ASIC2: variants seen among roughly 807,000 people sequenced by gnomAD.
The protein encoded by ASIC2 is acid-sensing ion channel 2.
ASIC2 carries 25 observed loss-of-function variants against 57.3 expected under a neutral mutation model. The ratio of observed to expected loss-of-function variants is 0.44; its 90% CI spans 0.32 to 0.61. The LOEUF (loss-of-function observed/expected upper bound fraction) is 0.61. Among genes scored for constraint, ASIC2 ranks in the 20% least tolerant of loss-of-function variants. ASIC2 has a pLI of 0.06. For synonymous variants in ASIC2, 319 were observed against 307.5 expected, an observed-to-expected ratio of 1.04 and a Z score of -0.39; for missense variants, 641 against 738.1, an observed-to-expected ratio of 0.87 and a Z score of 1.52.
chr17:33,816,540 G>T (rs979361444), intron 1 of ASIC2, among the ~76,000 whole-genome samples: 2 of 152,140 alleles, frequency 1.3e-5, no homozygotes, highest in Non-Finnish European at 2.9e-5. Flanking sequence ...TCAAATCCAG[G>T]CCTGCTGGGC....
At chr17:33,749,393 G>C (rs1910362150) in intron 1 of ASIC2, among the ~76,000 whole-genome samples, 1 of 151,984 alleles carries the variant, frequency 6.6e-6, no homozygotes, top group Admixed American at 6.6e-5. Flanking sequence ...TGCTGTCTAA[G>C]AGTGCAGGTG....
intron 1 of ASIC2, among the ~76,000 whole-genome samples, chr17:34,105,000 G>A (rs1910992652): frequency 6.6e-6 from 1 of 152,016 alleles, no homozygotes; most frequent in Admixed American, 6.5e-5. Flanking sequence ...TTCTGGAAGA[G>A]GTTGTAAAAG....
intron 1 of ASIC2, among the ~76,000 whole-genome samples, chr17:33,172,584 G>A (rs780273141): frequency 6.6e-6 from 1 of 152,206 alleles, no homozygotes; most frequent in Non-Finnish European, 1.5e-5. Context: ...CACTAGCAGA[G>A]AGGCTAGTTA....
At chr17:33,253,019 C>T (rs1326947870) in intron 1 of ASIC2, among the ~76,000 whole-genome samples, 2 of 152,146 alleles carry the variant, frequency 1.3e-5, no homozygotes, top group African/African-American at 2.4e-5. Context: ...AAGCTCCAAT[C>T]GAAATAACAT....
rs142359242 is a variant in ASIC2, at chr17:33,452,096, A to T, written c.556-340029T>A. Among the ~76,000 whole-genome samples the T allele has an allele frequency of 2.6e-3, 403 of 152,370 alleles. 1 individual carries two copies. The highest frequency in any genetic ancestry group is 4.0e-3 in the Non-Finnish European group (269 of 68,036). On this transcript the variant is annotated intron_variant, in intron 1 of 9. Coordinates refer to the ASIC2 transcript ENST00000359872. ...ATGAAAACTTGGAATACCAAGTTAG[A>T]GCTGCATGTAAATTAAAAGCAAAAA...
At chr17:33,426,028 G>C (rs1031649369) in intron 1 of ASIC2, among the ~76,000 whole-genome samples, 2 of 152,132 alleles carry the variant, frequency 1.3e-5, no homozygotes, top group Non-Finnish European at 2.9e-5. Flanking sequence ...CTCCTCCTGT[G>C]TTCCTCAGCA....
chr17:33,338,948 T>C (rs1907627926), intron 1 of ASIC2, among the ~76,000 whole-genome samples: 1 of 152,166 alleles, frequency 6.6e-6, no homozygotes, highest in Non-Finnish European at 1.5e-5. Context: ...TATCCTTTAA[T>C]GGATACAGAG....
intron 1 of ASIC2, among the ~76,000 whole-genome samples, chr17:33,304,269 A>G (rs916032453): frequency 6.6e-6 from 1 of 152,238 alleles, no homozygotes; most frequent in African/African-American, 2.4e-5. Flanking sequence ...TCAGTGAAAC[A>G]TTTCTTTGAA....
chr17:33,248,942 T>C (rs1005133533), intron 1 of ASIC2, among the ~76,000 whole-genome samples: 2 of 152,214 alleles, frequency 1.3e-5, no homozygotes, highest in Non-Finnish European at 1.5e-5. Flanking sequence ...TTGGGGTCCA[T>C]GACCCAGCCT....
intron 1 of ASIC2, among the ~76,000 whole-genome samples, chr17:33,386,285 T>G (rs1430969461): frequency 6.6e-6 from 1 of 152,328 alleles, no homozygotes; most frequent in East Asian, 1.9e-4. Context: ...ACTTTGCTTC[T>G]CCATGTGACT....
At chr17:33,871,584 T>G (rs1279150064) in intron 1 of ASIC2, among the ~76,000 whole-genome samples, 1 of 152,076 alleles carries the variant, frequency 6.6e-6, no homozygotes, top group African/African-American at 2.4e-5. Context: ...TTGCTCAGGA[T>G]CTGGAGAGAG....
chr17:33,614,163 G>A (rs1000702869), intron 1 of ASIC2, among the ~76,000 whole-genome samples: 8 of 152,096 alleles, frequency 5.3e-5, no homozygotes, highest in Non-Finnish European at 7.4e-5. Flanking sequence ...TCTTTTCAGC[G>A]TGAGTTCTTT....
At position 33,178,170 on chromosome 17, in the gene ASIC2, G is replaced by C. The variant is rs1301814248; in HGVS notation, c.709-66103C>G. ...TTTTAGGTGTTCTCACCATAAAAAA[G>C]TTTGCAAGGTAATGCATATGTTCAT... On this transcript the variant is annotated intron_variant, in intron 1 of 9. Transcript: ENST00000225823. Among the ~76,000 whole-genome samples the C allele has an allele frequency of 3.9e-5, 6 of 152,142 alleles. No homozygotes were observed. The East Asian group carries it at 1.2e-3, about 29-fold the overall frequency.
intron 1 of ASIC2, among the ~76,000 whole-genome samples, chr17:34,031,945 A>G (rs1319762558): frequency 1.3e-5 from 2 of 152,220 alleles, no homozygotes; most frequent in Admixed American, 1.3e-4. Flanking sequence ...TCTGCAGGAT[A>G]TTATCCAGGA....
intron 1 of ASIC2, among the ~76,000 whole-genome samples, chr17:34,124,051 C>T (rs991493572): frequency 1.3e-4 from 20 of 151,970 alleles, no homozygotes; most frequent in Admixed American, 1.3e-3. Context: ...ACTGCCCTCC[C>T]GCCTGGGTGA....
chr17:33,273,979 T>C (rs893092213), intron 1 of ASIC2, among the ~76,000 whole-genome samples: 3 of 152,120 alleles, frequency 2.0e-5, no homozygotes, highest in Non-Finnish European at 4.4e-5. Flanking sequence ...GGGAAGGCAA[T>C]GGGTGGTACT....
intron 1 of ASIC2, among the ~76,000 whole-genome samples, chr17:33,376,191 G>C (rs368936052): frequency 6.6e-6 from 1 of 152,120 alleles, no homozygotes. Flanking sequence ...GAATCAATAT[G>C]ATTGAGAAGG....
chr17:33,474,565 G>T (rs148428566), intron 1 of ASIC2, among the ~76,000 whole-genome samples: 1 of 152,284 alleles, frequency 6.6e-6, no homozygotes, highest in Non-Finnish European at 1.5e-5. Flanking sequence ...ACAGAGGGGC[G>T]TGCACAGCAG....
chr17:33,177,879 C>A (rs926383602), intron 1 of ASIC2, among the ~76,000 whole-genome samples: 1 of 152,136 alleles, frequency 6.6e-6, no homozygotes, highest in Admixed American at 6.5e-5. Flanking sequence ...CTGGTCTAGT[C>A]GTCTGGAGAC....
Sources: gnomAD v4.1 joint callset for allele counts (sites outside exome capture counted in the v4.1 genomes callset) on GRCh38, gnomAD v4.1.1 for gene constraint, MANE v1.5 for transcripts, NCBI Gene and HGNC (gene_info 2026-07-23, HGNC 2026-07-21) for gene names.